The following NLGN1 variants were observed in gnomAD, a reference collection of about 807,000 sequenced individuals.
The protein encoded by NLGN1 is neuroligin 1, also known as neuroligin-1.
NLGN1 carries 12 observed loss-of-function variants against 65.5 expected under a neutral mutation model. The observed-to-expected ratio is 0.18, with a 90% CI of 0.12 to 0.30. NLGN1 has a LOEUF of 0.30. NLGN1 is among the 10% of genes least tolerant of loss of function. The pLI is 1.00. For synonymous variants in NLGN1, 350 were observed against 359.5 expected, an observed-to-expected ratio of 0.97 and a Z score of 0.30; for missense variants, 750 against 1,007.1, an observed-to-expected ratio of 0.74 and a Z score of 3.46.
intron 4 of NLGN1, among the ~76,000 whole-genome samples, chr3:174,009,043 A>G (rs1328816164): frequency 6.6e-6 from 1 of 152,130 alleles, no homozygotes; most frequent in Non-Finnish European, 1.5e-5. Context: ...TGTTTCTCAC[A>G]GTTCTGGAGA....
rs183318402 is a variant in NLGN1, at chr3:174,104,736, T to A, written c.647-170579T>A. 3.1e-3 allele frequency among the ~76,000 whole-genome samples: 467 copies of A among 152,240 alleles called. 3 individuals are homozygous for A. The highest frequency in any genetic ancestry group is 0.011 in the African/African-American group (448 of 41,558). On this transcript the variant is annotated intron_variant, in intron 4 of 6. Coordinates refer to ENST00000457714, the Ensembl canonical transcript of NLGN1. ...AATCTTGCAGATAAACAGGATTTTG[T>A]TAAGTGGGGAAGAAGTGGAGAGATG...
downstream of NLGN1, among the ~76,000 whole-genome samples, chr3:174,287,100 T>A (rs1752211598): frequency 6.6e-6 from 1 of 151,402 alleles, no homozygotes; most frequent in Non-Finnish European, 1.5e-5. Context: ...ATTAATAATA[T>A]CTAGGAAGAT....
intron 4 of NLGN1, among the ~76,000 whole-genome samples, chr3:174,247,154 T>A (rs1743945194): frequency 1.3e-5 from 2 of 152,176 alleles, no homozygotes; most frequent in Non-Finnish European, 2.9e-5. Flanking sequence ...CCAATAACAT[T>A]TTTGAGGTAT....
At chr3:174,278,815 A>G (rs762834032) in intron 5 of NLGN1, 46 bp from the exon 6 acceptor site, 51 of 1,399,962 alleles carry the variant, frequency 3.6e-5, no homozygotes, top group Non-Finnish European at 4.8e-5. Context: ...TTTTACCACA[A>G]CATTACCCAA....
intron 4 of NLGN1, among the ~76,000 whole-genome samples, chr3:174,274,060 T>G (rs1316215821): frequency 1.3e-5 from 2 of 151,564 alleles, no homozygotes; most frequent in African/African-American, 2.4e-5. Flanking sequence ...GTTGAATTTC[T>G]ATAAGTCTCC....
At chr3:174,040,257 C>T (rs1004320800) in intron 4 of NLGN1, among the ~76,000 whole-genome samples, 20 of 152,066 alleles carry the variant, frequency 1.3e-4, no homozygotes, top group African/African-American at 4.6e-4. Context: ...CTGTGTGTTA[C>T]GTAAGGGGAA....
intron 1 of NLGN1, among the ~76,000 whole-genome samples, chr3:173,416,555 A>G (rs1713837222): frequency 6.6e-6 from 1 of 152,184 alleles, no homozygotes; most frequent in Admixed American, 6.5e-5. Context: ...CAGTTAGTTC[A>G]GAAAATATTG....
chr3:173,768,660 ATT>A (rs1779129074), intron 3 of NLGN1, among the ~76,000 whole-genome samples: 2 of 152,182 alleles, frequency 1.3e-5, no homozygotes. Flanking sequence ...GTTTTAATTA[ATT>A]TTCTTTCACT....
At chr3:174,086,140 ACAAT>A (rs955880470) in intron 4 of NLGN1, among the ~76,000 whole-genome samples, 1 of 151,228 alleles carries the variant, frequency 6.6e-6, no homozygotes, top group Non-Finnish European at 1.5e-5. Flanking sequence ...TACAGTAATG[ACAAT>A]CACTTTTTCC....
chr3:173,612,784 T>C (rs1191614160), intron 3 of NLGN1, among the ~76,000 whole-genome samples: 2 of 152,078 alleles, frequency 1.3e-5, no homozygotes, highest in Non-Finnish European at 2.9e-5. Context: ...TGTTTTGCAG[T>C]TCTGGAGACT....
intron 4 of NLGN1, among the ~76,000 whole-genome samples, chr3:173,854,559 CT>C (rs142525171): frequency 0.018 from 2,667 of 152,012 alleles, 57 homozygotes; most frequent in Middle Eastern, 0.065. Context: ...GCCTATTTAA[CT>C]TTTTTTAAAA....
intron 4 of NLGN1, among the ~76,000 whole-genome samples, chr3:174,096,604 T>C (rs1332936122): frequency 1.3e-5 from 2 of 152,142 alleles, no homozygotes; most frequent in Non-Finnish European, 2.9e-5. Context: ...AGGTGAATGT[T>C]TAAATGAGAT....
At chr3:173,982,761 T>C (rs917059290) in intron 4 of NLGN1, among the ~76,000 whole-genome samples, 6 of 152,196 alleles carry the variant, frequency 3.9e-5, no homozygotes, top group African/African-American at 1.4e-4. Context: ...TGCAGACATG[T>C]ACCAGAAACA....
At chr3:173,827,941 C>A (rs1031880963) in intron 4 of NLGN1, among the ~76,000 whole-genome samples, 1 of 152,034 alleles carries the variant, frequency 6.6e-6, no homozygotes, top group African/African-American at 2.4e-5. Context: ...ATCTTCCTTA[C>A]TCAGTATACT....
intron 4 of NLGN1, among the ~76,000 whole-genome samples, chr3:173,843,428 C>T (rs960165830): frequency 1.3e-5 from 2 of 152,202 alleles, no homozygotes; most frequent in African/African-American, 4.8e-5. Flanking sequence ...CATTGTCAGG[C>T]TGCAAATTTT....
chr3:173,829,582 G>C (rs1333496601), intron 4 of NLGN1, among the ~76,000 whole-genome samples: 1 of 147,522 alleles, frequency 6.8e-6, no homozygotes, highest in African/African-American at 2.5e-5. Flanking sequence ...TTGTGTGTGT[G>C]TGTGTGTTAA....
intron 4 of NLGN1, among the ~76,000 whole-genome samples, chr3:174,274,408 C>CAGTT (rs1750120686): frequency 6.6e-6 from 1 of 151,764 alleles, no homozygotes; most frequent in South Asian, 2.1e-4. Context: ...ATATGTAAAA[C>CAGTT]AGTTACTCAG....
chr3:174,217,231 A>G (rs1289612791), intron 4 of NLGN1, among the ~76,000 whole-genome samples: 1 of 152,038 alleles, frequency 6.6e-6, no homozygotes, highest in African/African-American at 2.4e-5. Context: ...TTCTCTTTTT[A>G]TAAGGACCAC....
chr3:173,830,624 T>A (rs1484866971), intron 4 of NLGN1, among the ~76,000 whole-genome samples: 1 of 152,188 alleles, frequency 6.6e-6, no homozygotes, highest in Non-Finnish European at 1.5e-5. Flanking sequence ...ATGAAACTCA[T>A]AAATATATTT....
Sources: allele counts gnomAD v4.1 joint callset (sites outside exome capture counted in the v4.1 genomes callset), GRCh38; gene constraint gnomAD v4.1.1; transcripts MANE v1.5; gene names NCBI Gene and HGNC (gene_info 2026-07-23, HGNC 2026-07-21).